PLPPR5: variants seen among roughly 807,000 people sequenced by gnomAD.
PLPPR5 encodes phospholipid phosphatase-related protein type 5.
Under a neutral mutation model 33.9 loss-of-function variants are expected in PLPPR5, and 16 were observed. The observed-to-expected ratio is 0.47, with a 90% CI of 0.32 to 0.72. PLPPR5 has a LOEUF of 0.72. Among genes scored for constraint, PLPPR5 ranks in the 30% least tolerant of loss-of-function variants. The probability of loss-of-function intolerance (pLI) is 0.03; values close to 1 mark genes in which losing one functional copy is unlikely to be tolerated. For missense variants in PLPPR5, 301 were observed against 406.7 expected (o/e 0.74, Z 2.23); for synonymous variants, 163 against 150.3 (o/e 1.08, Z -0.62).
chr1:98,904,610 A>T (rs972349174), intron 5 of PLPPR5, among the ~76,000 whole-genome samples: 1 of 152,112 alleles, frequency 6.6e-6, no homozygotes, highest in Non-Finnish European at 1.5e-5. Flanking sequence ...TATTATCTCC[A>T]TGTGCTGACC....
At chr1:98,987,369 C>A (rs1313272271) in intron 1 of PLPPR5, among the ~76,000 whole-genome samples, 2 of 151,672 alleles carry the variant, frequency 1.3e-5, no homozygotes, top group African/African-American at 4.8e-5. Flanking sequence ...TAATGAGTGT[C>A]CTAAAATACT....
intron 1 of PLPPR5, among the ~76,000 whole-genome samples, chr1:98,988,274 T>C (rs1205586158): frequency 1.3e-5 from 2 of 152,136 alleles, no homozygotes; most frequent in Non-Finnish European, 2.9e-5. Context: ...GGTCAATCTC[T>C]ATTGTTTCAT....
intron 1 of PLPPR5, 113 bp from the exon 2 acceptor site, chr1:98,956,854 G>A (rs1321629465): frequency 7.8e-6 from 6 of 766,544 alleles, no homozygotes; most frequent in Non-Finnish European, 1.1e-5. Flanking sequence ...TAATCTCAAT[G>A]TAAAACAGAG....
chr1:98,926,447 AGTGTGTGTGTGTGTGTGT>A lies in PLPPR5; in HGVS notation c.622-4407_622-4390del, dbSNP rs60874366. ...ATCTAACAGGGCACTAGGTTTGATT[AGTGTGTGTGTGTGTGTGT>A]GTGTGTGTGTGTGTGTGTGTGTGTG... On this transcript the variant is annotated intron_variant, in intron 3 of 5. Transcript: ENST00000263177. Among the ~76,000 whole-genome samples the A allele has an allele frequency of 4.1e-3, 548 of 132,716 alleles. 4 individuals are homozygous for A. Among genetic ancestry groups the A allele is most frequent in the African/African-American group, 0.012 (433 of 35,250 alleles). The allele number at this position is 132,716 out of a possible 152,430, so 87.1% of individuals were successfully genotyped here.
At chr1:98,979,075 G>A (rs746879483) in intron 1 of PLPPR5, among the ~76,000 whole-genome samples, 3 of 152,058 alleles carry the variant, frequency 2.0e-5, no homozygotes, top group East Asian at 1.9e-4. Flanking sequence ...TCATTTATAC[G>A]TAAAACAGTG....
intron 1 of PLPPR5, among the ~76,000 whole-genome samples, chr1:98,986,887 C>T (rs1281628599): frequency 6.6e-6 from 1 of 151,458 alleles, no homozygotes; most frequent in Non-Finnish European, 1.5e-5. Flanking sequence ...AGGTAATTGG[C>T]CTAGGAAACA....
chr1:98,911,231 C>T (rs1260571717), intron 5 of PLPPR5, among the ~76,000 whole-genome samples: 1 of 152,160 alleles, frequency 6.6e-6, no homozygotes, highest in Admixed American at 6.5e-5. Flanking sequence ...GAGAGTAAAG[C>T]TGGAGCTCAG....
intron 1 of PLPPR5, among the ~76,000 whole-genome samples, chr1:98,973,740 G>T (rs1330615129): frequency 1.3e-5 from 2 of 151,926 alleles, no homozygotes; most frequent in Non-Finnish European, 2.9e-5. Flanking sequence ...GAATGTACTT[G>T]AAGAACAGCA....
chr1:98,926,038 T>C (rs1649747034), intron 3 of PLPPR5, among the ~76,000 whole-genome samples: 1 of 152,252 alleles, frequency 6.6e-6, no homozygotes, highest in Non-Finnish European at 1.5e-5. Context: ...CATGCTTCTT[T>C]CACCCTTTTC....
chr1:98,914,839 T>C lies in PLPPR5; in HGVS notation c.880A>G (p.Met294Val). ...IHMDNLAQMP[M>V]ISIPRVESPL... The stretch of plus-strand genomic sequence containing the variant: ...CTTTCTACTCGAGGAATGCTGATCA[T>C]TGGCATCTGTGCCAGATTATCCATG... Residue 294 changes from methionine (M) to valine (V), a missense_variant, in exon 5 of 6, where the codon ATG (methionine) becomes GTG (valine). Physicochemically the swap from Met to Val is conservative, Grantham distance 21. Coordinates refer to ENST00000263177, the MANE Select transcript of PLPPR5 (RefSeq NM_001037317.2). 2 of 1,613,388 alleles carry C rather than the reference T, an allele frequency of 1.2e-6. No individual in the cohort carries two copies. Among genetic ancestry groups the C allele is most frequent in the Non-Finnish European group, 1.7e-6 (2 of 1,179,700 alleles).
At chr1:99,003,577 C>T (rs768044011) in intron 1 of PLPPR5, among the ~76,000 whole-genome samples, 67 of 152,096 alleles carry the variant, frequency 4.4e-4, no homozygotes, top group Non-Finnish European at 7.4e-5. Flanking sequence ...ATGTAAATTA[C>T]TATAATAAAA....
At chr1:98,903,943 A>G (rs1648794035) in intron 5 of PLPPR5, among the ~76,000 whole-genome samples, 1 of 152,212 alleles carries the variant, frequency 6.6e-6, no homozygotes, top group South Asian at 2.1e-4. Flanking sequence ...TAAAATCTAC[A>G]AAAGAGTCAA....
At chr1:98,938,420 CA>C (rs544492984) in intron 3 of PLPPR5, among the ~76,000 whole-genome samples, 810 of 80,728 alleles carry the variant, frequency 0.01, 8 homozygotes, top group Non-Finnish European at 0.012. Flanking sequence ...AAGATCGTCT[CA>C]AAAAAAAAAA....
At chr1:98,899,620 T>A (rs1197054977) in intron 5 of PLPPR5, among the ~76,000 whole-genome samples, 1 of 151,932 alleles carries the variant, frequency 6.6e-6, no homozygotes, top group Admixed American at 6.6e-5. Flanking sequence ...CATAAAAGTG[T>A]TAAGAAGACC....
intron 1 of PLPPR5, among the ~76,000 whole-genome samples, chr1:98,970,562 C>A (rs1259966814): frequency 6.6e-6 from 1 of 151,624 alleles, no homozygotes; most frequent in East Asian, 1.9e-4. Context: ...CTTTCCTTGT[C>A]ATTTTAAAAA....
intron 5 of PLPPR5, among the ~76,000 whole-genome samples, chr1:98,899,621 T>A (rs1254327134): frequency 6.6e-6 from 1 of 151,738 alleles, no homozygotes; most frequent in Non-Finnish European, 1.5e-5. Context: ...ATAAAAGTGT[T>A]AAGAAGACCT....
intron 1 of PLPPR5, among the ~76,000 whole-genome samples, chr1:98,969,764 G>GA (rs1651595546): frequency 6.8e-6 from 1 of 146,376 alleles, no homozygotes; most frequent in African/African-American, 2.6e-5. Flanking sequence ...TGCTAGTTCA[G>GA]AAAAAATCTA....
chr1:98,987,571 T>A (rs1440350130), intron 1 of PLPPR5, among the ~76,000 whole-genome samples: 4 of 151,916 alleles, frequency 2.6e-5, no homozygotes, highest in Non-Finnish European at 5.9e-5. Context: ...CTAATGCTTT[T>A]CTGAAAGCCT....
At position 98,980,686 on chromosome 1, in the gene PLPPR5, TTTAA is replaced by T. The variant is rs1652031941; in HGVS notation, c.237+23745_237+23748del. 1.3e-5 allele frequency among the ~76,000 whole-genome samples: 2 copies of T among 152,118 alleles called. 1 individual carries two copies. The highest frequency in any genetic ancestry group is 4.1e-4 in the South Asian group (2 of 4,828). ...CAATATATAGGTGTATATGTTACAC[TTTAA>T]TTTTCAATTTATAGTGAGAAGATTG... On this transcript the variant is annotated intron_variant, in intron 1 of 5. Transcript: ENST00000263177.
Sources: allele counts gnomAD v4.1 joint callset (sites outside exome capture counted in the v4.1 genomes callset), GRCh38; gene constraint gnomAD v4.1.1; transcripts MANE v1.5; gene names NCBI Gene and HGNC (gene_info 2026-07-23, HGNC 2026-07-21).